Variants in RFC3 observed in about 807,000 individuals in gnomAD.
RFC3 encodes the protein A1 38 kDa subunit.
Under a neutral mutation model 45.1 loss-of-function variants are expected in RFC3, and 41 were observed. The ratio of observed to expected loss-of-function variants is 0.91; its 90% confidence interval spans 0.71 to 1.18. The LOEUF is 1.18. Among genes scored for constraint, RFC3 ranks in the 50% most tolerant of loss-of-function variants. The probability of loss-of-function intolerance (pLI) is 0.00; values close to 1 mark genes in which losing one functional copy is unlikely to be tolerated. For missense variants in RFC3, 423 were observed against 428.1 expected, an observed-to-expected ratio of 0.99 and a Z score of 0.10; for synonymous variants, 149 against 144.0, an observed-to-expected ratio of 1.03 and a Z score of -0.25.
chr13:33,824,214 A>C (rs1442264913), intron 3 of RFC3, among the ~76,000 whole-genome samples: 1 of 152,100 alleles, frequency 6.6e-6, no homozygotes, highest in Non-Finnish European at 1.5e-5. Context: ...TTCTAGCTCT[A>C]GGGAGCTCAT....
At chr13:33,944,846 T>TGCAACA (rs1199881172) in intron 8 of RFC3, among the ~76,000 whole-genome samples, 6 of 152,066 alleles carry the variant, frequency 3.9e-5, no homozygotes, top group Admixed American at 2.0e-4. Context: ...TGGGGGCAAA[T>TGCAACA]GCAACAGCAA....
chr13:33,934,527 C>CA (rs1265889571), intron 8 of RFC3, among the ~76,000 whole-genome samples: 1 of 152,040 alleles, frequency 6.6e-6, no homozygotes, highest in African/African-American at 2.4e-5. Context: ...ATGTCCGAAT[C>CA]AGTTACTACC....
At position 33,825,799 on chromosome 13, in the gene RFC3, A is replaced by C; in HGVS notation, c.304A>C (p.Asn102His). ...TTTTGTTTTGTGTAGTGATGCTGGA[A>C]ATAGTGACCGAGTAGTCATTCAGGA... ...HLEVNPSDAGNSDRVVIQEML... is the reference protein window; with the variant it reads ...HLEVNPSDAGHSDRVVIQEML... Residue 102 changes from asparagine (N) to histidine (H), a missense_variant, in exon 4 of 9, where the codon AAT becomes CAT. Coordinates refer to ENST00000380071, the MANE Select transcript of RFC3 (RefSeq NM_002915.4). 4 of 1,597,672 alleles carry C rather than the reference A, an allele frequency of 2.5e-6. No homozygotes were observed. The highest frequency in any genetic ancestry group is 2.6e-6 in the Non-Finnish European group (3 of 1,171,336).
At chr13:33,886,724 G>A (rs1250038666) in intron 8 of RFC3, among the ~76,000 whole-genome samples, 2 of 147,142 alleles carry the variant, frequency 1.4e-5, no homozygotes, top group Non-Finnish European at 3.0e-5. Context: ...ATGCTGGTGT[G>A]CTGCACCCAT....
exon 9 of RFC3, chr13:33,966,179 G>A: frequency 3.6e-6 from 5 of 1,399,630 alleles, no homozygotes; most frequent in Non-Finnish European, 4.1e-6. Context: ...CTTTTAGCAT[G>A]TGAAGTTTTG....
At chr13:33,818,642 A>G (rs545509498) in intron 1 of RFC3, among the ~76,000 whole-genome samples, 126 of 152,326 alleles carry the variant, frequency 8.3e-4, no homozygotes, top group African/African-American at 3.0e-3. Context: ...GGGAAGGGTA[A>G]TCGGAGATGG....
intron 8 of RFC3, among the ~76,000 whole-genome samples, chr13:33,871,147 C>G (rs1188639298): frequency 6.6e-6 from 1 of 152,186 alleles, no homozygotes; most frequent in African/African-American, 2.4e-5. Context: ...ATTTTCAGTC[C>G]TTTGGTCTTT....
chr13:33,933,247 A>G (rs2082863730), intron 8 of RFC3, among the ~76,000 whole-genome samples: 1 of 152,120 alleles, frequency 6.6e-6, no homozygotes, highest in African/African-American at 2.4e-5. Flanking sequence ...CAATTTTAGT[A>G]TTAGAGGTCA....
intron 8 of RFC3, among the ~76,000 whole-genome samples, chr13:33,948,094 T>C (rs7336699): frequency 0.015 from 2,303 of 152,302 alleles, 69 homozygotes; most frequent in African/African-American, 0.053. Flanking sequence ...GAGACCTTCA[T>C]GGCAGCCCCT....
intron 8 of RFC3, among the ~76,000 whole-genome samples, chr13:33,922,696 A>G (rs143771879): frequency 3.9e-5 from 6 of 152,126 alleles, no homozygotes; most frequent in African/African-American, 1.4e-4. Flanking sequence ...AATCTTGAAT[A>G]TATTACCAGA....
chr13:33,944,193 C>T (rs561385615), intron 8 of RFC3, among the ~76,000 whole-genome samples: 1 of 152,176 alleles, frequency 6.6e-6, no homozygotes, highest in Admixed American at 6.5e-5. Context: ...TATGAACTCT[C>T]TATATAAACT....
chr13:33,863,493 G>T (rs1310344357), intron 8 of RFC3, among the ~76,000 whole-genome samples: 1 of 152,200 alleles, frequency 6.6e-6, no homozygotes, highest in African/African-American at 2.4e-5. Flanking sequence ...CTGTGGGTCT[G>T]TGTCATTTAA....
intron 8 of RFC3, among the ~76,000 whole-genome samples, chr13:33,915,610 C>A (rs2082728096): frequency 6.6e-6 from 1 of 152,008 alleles, no homozygotes; most frequent in African/African-American, 2.4e-5. Context: ...ACTTCCTAGA[C>A]CCTAATTTCC....
At chr13:33,964,135 C>T (rs1016058266) in intron 8 of RFC3, among the ~76,000 whole-genome samples, 2 of 152,106 alleles carry the variant, frequency 1.3e-5, no homozygotes, top group Admixed American at 6.6e-5. Flanking sequence ...CTAGTTACTG[C>T]TCACAATCTA....
At chr13:33,970,679 T>C (rs1231116810), downstream of RFC3, among the ~76,000 whole-genome samples, 1 of 152,240 alleles carries the variant, frequency 6.6e-6, no homozygotes, top group African/African-American at 2.4e-5. Context: ...AAATAAATTC[T>C]TACTGTATGT....
chr13:33,922,781 A>C (rs2082777778), intron 8 of RFC3, among the ~76,000 whole-genome samples: 1 of 152,142 alleles, frequency 6.6e-6, no homozygotes, highest in South Asian at 2.1e-4. Context: ...GCCAGAGTTC[A>C]AACCCAATTC....
intron 8 of RFC3, among the ~76,000 whole-genome samples, chr13:33,864,226 C>T (rs1350524081): frequency 6.6e-6 from 1 of 152,180 alleles, no homozygotes; most frequent in African/African-American, 2.4e-5. Context: ...CCAAGACCTT[C>T]CTAAGGGACC....
At chr13:33,895,341 C>T (rs2082590770) in intron 8 of RFC3, among the ~76,000 whole-genome samples, 1 of 152,120 alleles carries the variant, frequency 6.6e-6, no homozygotes, top group Non-Finnish European at 1.5e-5. Flanking sequence ...ACATGATAGA[C>T]ATTTCTCAAA....
chr13:33,833,454 C>T (rs1427374700), intron 7 of RFC3, among the ~76,000 whole-genome samples: 1 of 151,740 alleles, frequency 6.6e-6, no homozygotes, highest in Non-Finnish European at 1.5e-5. Flanking sequence ...TCTAGGATAC[C>T]CATGTTTCTC....
Sources: gnomAD v4.1 joint callset for allele counts (sites outside exome capture counted in the v4.1 genomes callset) on GRCh38, gnomAD v4.1.1 for gene constraint, MANE v1.5 for transcripts, NCBI Gene and HGNC (gene_info 2026-07-23, HGNC 2026-07-21) for gene names.